The following MITF variants were observed in gnomAD, a reference collection of about 807,000 sequenced individuals.
MITF encodes the protein microphthalmia-associated transcription factor.
In MITF, 17 loss-of-function variants were observed where a neutral mutation model predicts 60.5. The observed-to-expected ratio is 0.28, with a 90% CI of 0.19 to 0.42. MITF has a LOEUF of 0.42. Among genes scored for constraint, MITF ranks in the 10% least tolerant of loss-of-function variants. The pLI, the probability that MITF is intolerant of heterozygous loss-of-function variation, is 1.00. For missense variants in MITF, 622 were observed against 683.5 expected (o/e 0.91, Z 1.00); for synonymous variants, 260 against 248.5 (o/e 1.05, Z -0.43).
chr3:69,939,290 T>G, intron 4 of MITF, 109 bp downstream of exon 4: 3 of 963,740 alleles, frequency 3.1e-6, no homozygotes, highest in Non-Finnish European at 4.8e-6. Flanking sequence ...CCCATTGTTT[T>G]TTTTTTTTTT....
At chr3:69,954,431 C>T (rs1313380772) in intron 7 of MITF, among the ~76,000 whole-genome samples, 3 of 152,060 alleles carry the variant, frequency 2.0e-5, no homozygotes, top group African/African-American at 7.2e-5. Flanking sequence ...GGTAGTGAAT[C>T]AGTTTCAAAG....
chr3:69,798,306 C>T (rs1471981515), intron 1 of MITF, among the ~76,000 whole-genome samples: 3 of 152,028 alleles, frequency 2.0e-5, no homozygotes, highest in African/African-American at 4.8e-5. Flanking sequence ...TTATTGAATT[C>T]CTTCTATATG....
In MITF at chr3:69,938,240, G is replaced by A; in HGVS notation, c.582+191G>A. 13 of 1,138,858 alleles carry A rather than the reference G, an allele frequency of 1.1e-5. No homozygotes were observed. In the South Asian group the frequency reaches 1.6e-4, roughly 14 times the overall value. 70.5% of individuals were successfully genotyped at this position (1,138,858 alleles called of 1,614,324 possible). A position where few individuals can be genotyped will look rare whatever the true frequency, so the allele number is the denominator to read the frequency against. ...CCATCGCTGGGTTATTGGGTGTAGA[G>A]CACATGACGGGAGACCTGGCCCTCT... On this transcript the variant is annotated intron_variant, in intron 3 of 9. Transcript: ENST00000352241.
intron 1 of MITF, among the ~76,000 whole-genome samples, chr3:69,817,724 G>T (rs1285419697): frequency 6.6e-6 from 1 of 152,094 alleles, no homozygotes; most frequent in African/African-American, 2.4e-5. Flanking sequence ...GTATGGGTAT[G>T]TTATATTCTT....
intron 2 of MITF, among the ~76,000 whole-genome samples, chr3:69,934,401 A>T (rs563230124): frequency 6.6e-6 from 1 of 152,342 alleles, no homozygotes; most frequent in South Asian, 2.1e-4. Context: ...CTAAATATTG[A>T]TAGATATAAT....
chr3:69,833,652 G>A (rs1407341708), intron 1 of MITF, among the ~76,000 whole-genome samples: 2 of 151,200 alleles, frequency 1.3e-5, no homozygotes, highest in Non-Finnish European at 3.0e-5. Flanking sequence ...TACACTGTAT[G>A]TGGTTGTTTC....
rs75413066 is a variant in MITF, at chr3:69,951,382, T to C, written c.881-430T>C. Among the ~76,000 whole-genome samples the C allele has an allele frequency of 5.9e-4, 90 of 152,228 alleles. No individual in the cohort carries two copies. The East Asian group carries it at 0.016, about 28-fold the overall frequency. The stretch of plus-strand genomic sequence containing the variant: ...GGTGCAAGCAACCATGCTGGGCCAC[T>C]ACTCAGTTTTTATATCAGCACGTTA... On this transcript the variant is annotated intron_variant, in intron 6 of 9. Coordinates refer to ENST00000352241, the MANE Select transcript of MITF (RefSeq NM_001354604.2).
intron 2 of MITF, among the ~76,000 whole-genome samples, chr3:69,919,056 T>G (rs2065402741): frequency 6.6e-6 from 1 of 152,234 alleles, no homozygotes; most frequent in South Asian, 2.1e-4. Context: ...AAGGTTGACT[T>G]TCTAAGCATA....
At chr3:69,851,944 C>A (rs918862341) in intron 1 of MITF, among the ~76,000 whole-genome samples, 3 of 152,088 alleles carry the variant, frequency 2.0e-5, no homozygotes, top group African/African-American at 7.2e-5. Flanking sequence ...TGGTGAGCTG[C>A]TATAATGCAG....
At chr3:69,822,176 G>A (rs1045827558) in intron 1 of MITF, among the ~76,000 whole-genome samples, 1 of 152,158 alleles carries the variant, frequency 6.6e-6, no homozygotes, top group Non-Finnish European at 1.5e-5. Context: ...CTTCATGGAT[G>A]CCCCTACAAT....
At chr3:69,964,022 G>A (rs1241005187) in intron 9 of MITF, among the ~76,000 whole-genome samples, 1 of 130,392 alleles carries the variant, frequency 7.7e-6, no homozygotes, top group Non-Finnish European at 1.5e-5. Context: ...TCTAGCCCAG[G>A]CTGGAGCGCA....
At chr3:69,766,517 G>A (rs9810852) in intron 1 of MITF, among the ~76,000 whole-genome samples, 2,317 of 150,046 alleles carry the variant, frequency 0.015, 56 homozygotes, top group African/African-American at 0.054. Flanking sequence ...GTGAGCCACC[G>A]CACCTAGCCT....
At chr3:69,741,328 C>A (rs1407056085) in intron 1 of MITF, among the ~76,000 whole-genome samples, 1 of 152,122 alleles carries the variant, frequency 6.6e-6, no homozygotes, top group Non-Finnish European at 1.5e-5. Context: ...AATGCTTACA[C>A]GGCCAGAATG....
intron 1 of MITF, among the ~76,000 whole-genome samples, chr3:69,786,968 G>A (rs1575710803): frequency 6.6e-6 from 1 of 152,272 alleles, no homozygotes; most frequent in East Asian, 1.9e-4. Context: ...AATCCACTCT[G>A]CCTTCATGGT....
At chr3:69,952,276 AAAAG>A (rs775463322) in intron 7 of MITF, among the ~76,000 whole-genome samples, 1 of 152,160 alleles carries the variant, frequency 6.6e-6, no homozygotes, top group African/African-American at 2.4e-5. Context: ...ATTTGAAAGA[AAAAG>A]AAAGAAAGAA....
intron 1 of MITF, among the ~76,000 whole-genome samples, chr3:69,742,385 A>G (rs779106492): frequency 6.6e-6 from 1 of 151,992 alleles, no homozygotes; most frequent in African/African-American, 2.4e-5. Flanking sequence ...AGGTCAAGCA[A>G]CTCTGTGTTA....
chr3:69,913,471 T>G (rs1461535879), intron 2 of MITF, among the ~76,000 whole-genome samples: 1 of 152,170 alleles, frequency 6.6e-6, no homozygotes, highest in Non-Finnish European at 1.5e-5. Context: ...TCATTTGCCT[T>G]TTTAGTAATC....
In MITF at chr3:69,796,936, G is replaced by A. The variant is rs1575728291; in HGVS notation, c.104+57235G>A. On this transcript the variant is annotated intron_variant, in intron 1 of 9. Transcript: ENST00000352241. Reference sequence around the variant, plus strand: ...TAAGTGGTTAAAGCAGAAGCACCAAGACCATGTTTGTGTGATAAAGGTTGC... The same window carrying A: ...TAAGTGGTTAAAGCAGAAGCACCAAAACCATGTTTGTGTGATAAAGGTTGC... Among the ~76,000 whole-genome samples the A allele has an allele frequency of 2.0e-5, 3 of 152,168 alleles. No homozygotes were observed. The East Asian group carries it at 5.8e-4, about 29-fold the overall frequency.
intron 1 of MITF, among the ~76,000 whole-genome samples, chr3:69,823,957 T>C (rs1323721935): frequency 6.6e-6 from 1 of 152,180 alleles, no homozygotes. Context: ...CAAATACATA[T>C]AGGCTTGAAG....
Sources: gnomAD v4.1 joint callset for allele counts (sites outside exome capture counted in the v4.1 genomes callset) on GRCh38, gnomAD v4.1.1 for gene constraint, MANE v1.5 for transcripts, NCBI Gene and HGNC (gene_info 2026-07-23, HGNC 2026-07-21) for gene names.